CLCN3: variants seen among roughly 807,000 people sequenced by gnomAD.
CLCN3 encodes Cl-/H+ antiporter 3.
CLCN3 carries 16 observed loss-of-function variants against 83.4 expected under a neutral mutation model. The observed-to-expected ratio is 0.19, with a 90% CI of 0.13 to 0.29. The LOEUF is 0.29. CLCN3 is among the 10% of genes least tolerant of loss of function. CLCN3 has a pLI of 1.00. For synonymous variants in CLCN3, 322 were observed against 346.2 expected (o/e 0.93, Z 0.78); for missense variants, 544 against 1,006.0 (o/e 0.54, Z 6.21).
intron 3 of CLCN3, among the ~76,000 whole-genome samples, chr4:169,683,315 T>C (rs1368156957): frequency 6.6e-6 from 1 of 152,060 alleles, no homozygotes; most frequent in East Asian, 1.9e-4. Flanking sequence ...TGGGCAAATA[T>C]GGAGACTATC....
chr4:169,625,975 T>C (rs1773224636), intron 1 of CLCN3, among the ~76,000 whole-genome samples: 1 of 152,174 alleles, frequency 6.6e-6, no homozygotes, highest in African/African-American at 2.4e-5. Context: ...TCCAATACGG[T>C]GTACCTGGAG....
At chr4:169,626,778 G>A (rs2150196272) in intron 1 of CLCN3, among the ~76,000 whole-genome samples, 1 of 152,238 alleles carries the variant, frequency 6.6e-6, no homozygotes, top group East Asian at 1.9e-4. Flanking sequence ...AGGAGTTCGA[G>A]ACCAGCCTGG....
intron 2 of CLCN3, among the ~76,000 whole-genome samples, chr4:169,639,981 C>T (rs1161617145): frequency 6.6e-6 from 1 of 152,180 alleles, no homozygotes; most frequent in Admixed American, 6.5e-5. Flanking sequence ...CCTGTTTATA[C>T]TTCAGTTTAT....
At chr4:169,693,157 C>G (rs1359111187) in intron 7 of CLCN3, among the ~76,000 whole-genome samples, 1 of 151,926 alleles carries the variant, frequency 6.6e-6, no homozygotes, top group East Asian at 1.9e-4. Flanking sequence ...TGTACTGTAA[C>G]CAAAAAAGTA....
intron 11 of CLCN3, among the ~76,000 whole-genome samples, chr4:169,712,845 A>G (rs144914435): frequency 6.6e-6 from 1 of 152,342 alleles, no homozygotes; most frequent in Non-Finnish European, 1.5e-5. Context: ...TTTACCAAAA[A>G]ATAATTTCTT....
chr4:169,656,655 T>A (rs1730896904), intron 2 of CLCN3, among the ~76,000 whole-genome samples: 1 of 152,248 alleles, frequency 6.6e-6, no homozygotes, highest in Non-Finnish European at 1.5e-5. Context: ...AATTTTTTAT[T>A]AATGTTTATC....
At chr4:169,687,916 GCTTCCAAGTCTAGTCTTGGCTCTATCA>G (rs2150246881) in intron 4 of CLCN3, among the ~76,000 whole-genome samples, 159 bp downstream of exon 4, 1 of 152,224 alleles carries the variant, frequency 6.6e-6, no homozygotes, top group African/African-American at 2.4e-5. Flanking sequence ...GGAGGCAGAG[GCTTCCAAGTCTAGTCTTGGCTCTATCA>G]CTTTACGTGT....
At chr4:169,668,747 T>C (rs1731348544) in intron 2 of CLCN3, among the ~76,000 whole-genome samples, 1 of 150,254 alleles carries the variant, frequency 6.7e-6, no homozygotes, top group Admixed American at 6.6e-5. Flanking sequence ...TTTTTTTTTG[T>C]CTTAAACTTG....
intron 12 of CLCN3, among the ~76,000 whole-genome samples, chr4:169,716,176 A>T (rs1733415626): frequency 6.6e-6 from 1 of 152,156 alleles, no homozygotes; most frequent in Non-Finnish European, 1.5e-5. Flanking sequence ...CCACTCTGTA[A>T]AATTACTAAA....
At chr4:169,672,431 C>T (rs62333171) in intron 2 of CLCN3, among the ~76,000 whole-genome samples, 25,758 of 151,818 alleles carry the variant, frequency 0.17, 2,820 homozygotes, top group South Asian at 0.3. Context: ...TGAGTCACCA[C>T]GCCCAGCCTT....
At chr4:169,714,143 T>C in intron 12 of CLCN3, among the ~76,000 whole-genome samples, 1 of 152,228 alleles carries the variant, frequency 6.6e-6, no homozygotes, top group East Asian at 1.9e-4. Context: ...TCTTTCTTGT[T>C]GAACTTAAGA....
chr4:169,658,782 T>C (rs538357318), intron 2 of CLCN3, among the ~76,000 whole-genome samples: 2 of 152,222 alleles, frequency 1.3e-5, no homozygotes, highest in South Asian at 2.1e-4. Context: ...CAGGATAAGA[T>C]AGAATATTCC....
At chr4:169,632,682 A>T (rs1210974028) in intron 1 of CLCN3, among the ~76,000 whole-genome samples, 1 of 128,566 alleles carries the variant, frequency 7.8e-6, no homozygotes, top group African/African-American at 2.9e-5. Flanking sequence ...GCGCCACTGC[A>T]CTCCAGCCTG....
Position 169,620,719 on chromosome 4 carries a change from G to T in CLCN3, c.-361G>T, listed in dbSNP as rs1225640161. 2.5e-6 allele frequency: 1 copy of T among 398,544 alleles called. No individual in the cohort carries two copies. Among genetic ancestry groups the T allele is most frequent in the Non-Finnish European group, 4.4e-6 (1 of 226,096 alleles). 24.7% of individuals were successfully genotyped at this position (398,544 alleles called of 1,614,324 possible). On this transcript the variant is annotated 5_prime_UTR_variant, in exon 1 of 13. Coordinates refer to ENST00000513761, the MANE Select transcript of CLCN3 (RefSeq NM_001829.4). Reference sequence around the variant, plus strand: ...GCCATCCTACTTTACTCCCGAGTTAGAGCATGGATTCAGTTTTAGTCTTAA... The same window carrying T: ...GCCATCCTACTTTACTCCCGAGTTATAGCATGGATTCAGTTTTAGTCTTAA...
At chr4:169,692,031 C>T in intron 6 of CLCN3, 83 bp from the exon 7 acceptor site, 1 of 946,432 alleles carries the variant, frequency 1.1e-6, no homozygotes. Context: ...TGTTTTTGTG[C>T]ATAAAACAAG....
intron 1 of CLCN3, 87 bp from the exon 2 acceptor site, chr4:169,635,826 G>T: frequency 1.8e-6 from 2 of 1,097,518 alleles, no homozygotes; most frequent in South Asian, 2.0e-5. Context: ...TTAGCACATA[G>T]ATCATAACTT....
chr4:169,692,561 A>T (rs892378417), intron 7 of CLCN3, among the ~76,000 whole-genome samples: 1 of 152,188 alleles, frequency 6.6e-6, no homozygotes, highest in African/African-American at 2.4e-5. Context: ...ATTGGGTTTC[A>T]GCTGCATTTC....
intron 1 of CLCN3, among the ~76,000 whole-genome samples, chr4:169,633,001 T>C (rs1293106180): frequency 6.6e-6 from 1 of 152,008 alleles, no homozygotes; most frequent in Non-Finnish European, 1.5e-5. Context: ...TTTTCATAGT[T>C]TATCTCTGAT....
intron 2 of CLCN3, among the ~76,000 whole-genome samples, chr4:169,661,307 A>G (rs923364885): frequency 6.6e-6 from 1 of 152,178 alleles, no homozygotes; most frequent in Non-Finnish European, 1.5e-5. Flanking sequence ...TTTGAGCCAC[A>G]TTAGTTTGAA....
Sources: gnomAD v4.1 joint callset for allele counts (sites outside exome capture counted in the v4.1 genomes callset) on GRCh38, gnomAD v4.1.1 for gene constraint, MANE v1.5 for transcripts, NCBI Gene and HGNC (gene_info 2026-07-23, HGNC 2026-07-21) for gene names.